The following TPST1 variants were observed in gnomAD, a reference collection of about 807,000 sequenced individuals.
The protein encoded by TPST1 is protein-tyrosine sulfotransferase 1.
In TPST1, 20 loss-of-function variants were observed where a neutral mutation model predicts 34.8. The observed-to-expected ratio is 0.57, with a 90% confidence interval of 0.40 to 0.84. The LOEUF is 0.84. Ranked by LOEUF, TPST1 falls within the 40% of genes least tolerant of loss-of-function variation. The pLI is 0.00. For synonymous variants in TPST1, 152 were observed against 159.4 expected (o/e 0.95, Z 0.35); for missense variants, 353 against 455.5 (o/e 0.78, Z 2.05).
At chr7:66,221,830 C>T (rs1422939440) in intron 1 of TPST1, among the ~76,000 whole-genome samples, 1 of 152,100 alleles carries the variant, frequency 6.6e-6, no homozygotes, top group African/African-American at 2.4e-5. Flanking sequence ...CTCTTTCTTT[C>T]CAAAGACTTG....
intron 2 of TPST1, among the ~76,000 whole-genome samples, chr7:66,256,784 A>G (rs1790390942): frequency 6.6e-6 from 1 of 152,188 alleles, no homozygotes; most frequent in Middle Eastern, 3.2e-3. Flanking sequence ...GCAGCCTTCC[A>G]GCCTGCCCTG....
chr7:66,345,432 G>A (rs1792326281), intron 3 of TPST1, among the ~76,000 whole-genome samples: 1 of 147,154 alleles, frequency 6.8e-6, no homozygotes, highest in African/African-American at 2.5e-5. Context: ...GGCAGAGGTT[G>A]CAGTGAGCTG....
At chr7:66,321,090 T>C (rs1258077898) in intron 3 of TPST1, among the ~76,000 whole-genome samples, 2 of 152,174 alleles carry the variant, frequency 1.3e-5, no homozygotes, top group Non-Finnish European at 2.9e-5. Context: ...TCAGAAGTTA[T>C]GATTATGATT....
intron 2 of TPST1, among the ~76,000 whole-genome samples, chr7:66,253,375 T>C (rs1447321552): frequency 6.6e-6 from 1 of 150,400 alleles, no homozygotes. Context: ...GCTTTCTTTT[T>C]TTTTTTTTTT....
chr7:66,261,232 C>CTT (rs36114007), intron 2 of TPST1, among the ~76,000 whole-genome samples: 9,497 of 126,382 alleles, frequency 0.075, 630 homozygotes, highest in African/African-American at 0.15. Context: ...CGTATATTGT[C>CTT]TTTTTTTTTT....
intron 1 of TPST1, among the ~76,000 whole-genome samples, chr7:66,225,785 T>G (rs1584148981): frequency 6.6e-6 from 1 of 152,368 alleles, no homozygotes; most frequent in East Asian, 1.9e-4. Context: ...TTTTAGAATT[T>G]GAGAAGAATT....
chr7:66,237,871 T>A (rs1288696599), intron 1 of TPST1, among the ~76,000 whole-genome samples: 1 of 152,106 alleles, frequency 6.6e-6, no homozygotes, highest in African/African-American at 2.4e-5. Flanking sequence ...GAGGGTCGGG[T>A]TGCTGTTTCT....
intron 3 of TPST1, among the ~76,000 whole-genome samples, chr7:66,319,071 ATTTGT>A (rs1385940468): frequency 1.3e-5 from 2 of 151,814 alleles, no homozygotes; most frequent in Non-Finnish European, 2.9e-5. Context: ...TTTCTCATTT[ATTTGT>A]TTTGTTTTGT....
intron 3 of TPST1, among the ~76,000 whole-genome samples, chr7:66,339,182 C>T (rs1399043251): frequency 6.6e-6 from 1 of 151,690 alleles, no homozygotes; most frequent in Non-Finnish European, 1.5e-5. Flanking sequence ...GTAAGTGATA[C>T]CACCGATATA....
intron 2 of TPST1, among the ~76,000 whole-genome samples, chr7:66,249,880 T>C (rs1790227084): frequency 6.6e-6 from 1 of 152,230 alleles, no homozygotes; most frequent in Non-Finnish European, 1.5e-5. Flanking sequence ...TTAGTTCAGG[T>C]TTCCTTTCCC....
rs1266956276 is a variant in TPST1 at position 66,229,350 on chromosome 7, T to G, written c.-101-10975T>G. On this transcript the variant is annotated intron_variant, in intron 1 of 5. Coordinates refer to ENST00000304842, the MANE Select transcript of TPST1 (RefSeq NM_003596.4). ...TGGTCTCGATCTCCTGACCTCGTGA[T>G]CTGCCTGCCTCGGCCTCCCAAAATG... Among the ~76,000 whole-genome samples the G allele has an allele frequency of 2.6e-5, 4 of 152,204 alleles. No individual in the cohort carries two copies. The East Asian group carries it at 7.7e-4, about 29-fold the overall frequency.
chr7:66,232,701 T>A (rs929728471), intron 1 of TPST1, among the ~76,000 whole-genome samples: 1 of 152,190 alleles, frequency 6.6e-6, no homozygotes, highest in Non-Finnish European at 1.5e-5. Context: ...AGATGAGGTC[T>A]CATACTGTGT....
At position 66,352,520 on chromosome 7, in the gene TPST1, TTCCAAC is replaced by T. The variant is rs779755306; in HGVS notation, c.1062_1067del (p.Phe354_Gln355del). The T allele has an allele frequency of 6.2e-6, 10 of 1,613,278 alleles. No homozygotes were observed. The East Asian group carries it at 2.0e-4, about 32-fold the overall frequency. On this transcript the variant is annotated inframe_deletion, in exon 4 of 6. Transcript: ENST00000304842. ...GTTTTTCCAGGTCTATAAGGGAGAA[TTCCAAC>T]TACCTGACTTTCTTAAAGAAAAACC...
At chr7:66,353,678 G>A (rs140576936) in intron 4 of TPST1, among the ~76,000 whole-genome samples, 2 of 152,296 alleles carry the variant, frequency 1.3e-5, no homozygotes, top group East Asian at 1.9e-4. Flanking sequence ...GAGTGCAGCC[G>A]ACTTCCCTTT....
intron 2 of TPST1, among the ~76,000 whole-genome samples, chr7:66,285,177 A>G (rs10261398): frequency 0.65 from 98,244 of 152,006 alleles, 32,115 homozygotes; most frequent in African/African-American, 0.74. Flanking sequence ...AAAGTAATAC[A>G]GTTTATGCAA....
At chr7:66,337,102 A>G (rs753444061) in intron 3 of TPST1, among the ~76,000 whole-genome samples, 9 of 152,168 alleles carry the variant, frequency 5.9e-5, no homozygotes, top group Non-Finnish European at 1.0e-4. Context: ...CTTACAAAAA[A>G]TGCTAAAGGG....
At chr7:66,333,276 A>T (rs1392539413) in intron 3 of TPST1, among the ~76,000 whole-genome samples, 1 of 152,244 alleles carries the variant, frequency 6.6e-6, no homozygotes, top group East Asian at 1.9e-4. Flanking sequence ...GTGTCTGTTG[A>T]CAGCCAAAGC....
chr7:66,323,994 G>A (rs1791810354), intron 3 of TPST1, among the ~76,000 whole-genome samples: 1 of 152,172 alleles, frequency 6.6e-6, no homozygotes, highest in Non-Finnish European at 1.5e-5. Flanking sequence ...CAACCTAAAT[G>A]TCCATCTACA....
intron 3 of TPST1, among the ~76,000 whole-genome samples, chr7:66,315,126 G>A (rs1206001736): frequency 1.3e-5 from 2 of 152,168 alleles, no homozygotes; most frequent in East Asian, 1.9e-4. Flanking sequence ...AGAAACAAAT[G>A]ACCCATTCAA....
Sources: allele counts gnomAD v4.1 joint callset (sites outside exome capture counted in the v4.1 genomes callset), GRCh38; gene constraint gnomAD v4.1.1; transcripts MANE v1.5; gene names NCBI Gene and HGNC (gene_info 2026-07-23, HGNC 2026-07-21).